ZMYM2: variants seen among roughly 807,000 people sequenced by gnomAD.
ZMYM2 encodes zinc finger MYM-type containing 2.
ZMYM2 carries 56 observed loss-of-function variants against 162.8 expected under a neutral mutation model. That is an observed-to-expected ratio of 0.34 (90% CI 0.28 to 0.43). ZMYM2 has a LOEUF of 0.43. Ranked by LOEUF, ZMYM2 falls within the 20% of genes least tolerant of loss-of-function variation. The probability of loss-of-function intolerance (pLI) is 1.00; values close to 1 mark genes in which losing one functional copy is unlikely to be tolerated. For synonymous variants in ZMYM2, 510 were observed against 541.6 expected (o/e 0.94, Z 0.81); for missense variants, 1,275 against 1,621.8 (o/e 0.79, Z 3.67).
the ZMYM2 span, among the ~76,000 whole-genome samples, chr13:19,901,754 C>G: frequency 6.6e-6 from 1 of 152,100 alleles, no homozygotes; most frequent in African/African-American, 2.4e-5. Context: ...GGATTACAGG[C>G]ATGAGCTACC....
At chr13:19,869,108 TA>T in the ZMYM2 span, among the ~76,000 whole-genome samples, 1 of 152,318 alleles carries the variant, frequency 6.6e-6, no homozygotes, top group African/African-American at 2.4e-5. Flanking sequence ...TAAAAATACA[TA>T]CAAATACCAC....
At chr13:19,910,954 C>T in the ZMYM2 span, among the ~76,000 whole-genome samples, 133 of 151,524 alleles carry the variant, frequency 8.8e-4, 1 homozygote, top group African/African-American at 3.2e-3. Flanking sequence ...TTGACTTGGT[C>T]TGTAGACGCA....
chr13:19,937,380 C>T, the ZMYM2 span, among the ~76,000 whole-genome samples: 2 of 151,004 alleles, frequency 1.3e-5, no homozygotes, highest in Non-Finnish European at 3.0e-5. Flanking sequence ...CCTCGTGATC[C>T]GCCCGCCTCA....
At chr13:19,999,515 C>G (rs9508995) in intron 3 of ZMYM2, among the ~76,000 whole-genome samples, 69,141 of 152,002 alleles carry the variant, frequency 0.45, 17,749 homozygotes, top group East Asian at 0.68. Flanking sequence ...TCTAACTCTC[C>G]CTCTCCTTGG....
At chr13:19,896,760 CAAAAAAAAAA>C in the ZMYM2 span, among the ~76,000 whole-genome samples, 2 of 87,232 alleles carry the variant, frequency 2.3e-5, no homozygotes, top group South Asian at 3.5e-4. Flanking sequence ...GACTCCATCT[CAAAAAAAAAA>C]AAAAGAAAAA....
intron 9 of ZMYM2, among the ~76,000 whole-genome samples, chr13:20,028,264 C>T (rs976398033): frequency 1.3e-5 from 2 of 152,112 alleles, no homozygotes; most frequent in Admixed American, 1.3e-4. Context: ...AAGTTGGGAT[C>T]ATGGCCATTG....
At chr13:19,914,647 A>G in the ZMYM2 span, among the ~76,000 whole-genome samples, 1 of 152,332 alleles carries the variant, frequency 6.6e-6, no homozygotes, top group East Asian at 1.9e-4. Flanking sequence ...CTTCTGCCAA[A>G]ACTACCATCT....
At chr13:20,079,316 C>CAAAAAAAAAAAAAAAAAA (rs1158594782) in intron 21 of ZMYM2, among the ~76,000 whole-genome samples, 3 of 23,164 alleles carry the variant, frequency 1.3e-4, no homozygotes, top group African/African-American at 6.6e-4. Context: ...GACTCTGTCT[C>CAAAAAAAAAAAAAAAAAA]AAAAAAAAAA....
chr13:19,995,291 T>C (rs1051545080), intron 3 of ZMYM2, among the ~76,000 whole-genome samples: 5 of 152,222 alleles, frequency 3.3e-5, no homozygotes, highest in Non-Finnish European at 7.3e-5. Context: ...TGTCTACAAC[T>C]CGATAATGCC....
chr13:19,937,525 G>T, the ZMYM2 span, among the ~76,000 whole-genome samples: 1 of 146,294 alleles, frequency 6.8e-6, no homozygotes, highest in African/African-American at 2.5e-5. Flanking sequence ...GTGCAGTGGC[G>T]TGATCTCAGC....
At chr13:20,006,231 T>TAA (rs1950732805) in intron 5 of ZMYM2, 143 bp from the exon 6 acceptor site, 10 of 741,868 alleles carry the variant, frequency 1.3e-5, no homozygotes, top group Middle Eastern at 4.1e-4. Context: ...GACCCTGTCT[T>TAA]TAAAAAAAAA....
At chr13:19,883,750 GTA>G in the ZMYM2 span, among the ~76,000 whole-genome samples, 8 of 151,220 alleles carry the variant, frequency 5.3e-5, no homozygotes, top group Admixed American at 6.6e-5. Context: ...TATTCTCATG[GTA>G]TATATATATA....
At chr13:19,984,156 T>C (rs746425544) in intron 2 of ZMYM2, among the ~76,000 whole-genome samples, 1 of 152,180 alleles carries the variant, frequency 6.6e-6, no homozygotes. Flanking sequence ...GTGATTTTGT[T>C]TTTTGAAGGT....
intron 2 of ZMYM2, chr13:19,970,144 T>C (rs1429583702): frequency 1.3e-6 from 1 of 761,712 alleles, no homozygotes; most frequent in Non-Finnish European, 1.6e-6. Flanking sequence ...AAAACAGTCA[T>C]TACACTAGAT....
At chr13:19,940,740 C>T in the ZMYM2 span, among the ~76,000 whole-genome samples, 366 of 152,210 alleles carry the variant, frequency 2.4e-3, no homozygotes, top group African/African-American at 8.5e-3. Flanking sequence ...CAGTGCACTA[C>T]GGGATGAAAA....
chr13:20,001,890 A>G lies in ZMYM2; in HGVS notation c.848-960A>G, dbSNP rs543791708. On this transcript the variant is annotated intron_variant, in intron 3 of 24. Transcript: ENST00000610343. ...ATTAAGATGTAGATTTTAAAAAGATATAATACTATTGTACACTTAATAGAC... is the reference window on the plus strand; with the variant it reads ...ATTAAGATGTAGATTTTAAAAAGATGTAATACTATTGTACACTTAATAGAC... Among the ~76,000 whole-genome samples the G allele has an allele frequency of 3.9e-5, 6 of 152,388 alleles. No individual in the cohort carries two copies. In the South Asian group the frequency reaches 1.0e-3, roughly 26 times the overall value.
At chr13:19,959,496 A>AG (rs1015061755) in intron 1 of ZMYM2, among the ~76,000 whole-genome samples, 58 of 151,130 alleles carry the variant, frequency 3.8e-4, no homozygotes, top group East Asian at 2.9e-3. Flanking sequence ...CGCCGACTGC[A>AG]GGGGGGGGCA....
rs71070277 is a variant in ZMYM2, at chr13:19,966,457, C to CTT, written c.-11+6443_-11+6444dup. ...CCTGAATTCTTATATGTCTATAATT[C>CTT]TTTTTTTTTTTTTGGATACAGAGTT... On this transcript the variant is annotated intron_variant, in intron 2 of 24. Transcript: ENST00000610343. Among the ~76,000 whole-genome samples, 734 of 141,378 alleles carry CTT rather than the reference C, an allele frequency of 5.2e-3. 2 individuals carry two copies. The highest frequency in any genetic ancestry group is 9.1e-3 in the Non-Finnish European group (590 of 65,184). The allele number at this position is 141,378 out of a possible 152,430, so 92.7% of individuals were successfully genotyped here.
At chr13:19,915,798 C>T in the ZMYM2 span, among the ~76,000 whole-genome samples, 2 of 151,992 alleles carry the variant, frequency 1.3e-5, no homozygotes, top group East Asian at 1.9e-4. Context: ...GCCACTGCAC[C>T]TGGTCTGCTC....
Sources: allele counts gnomAD v4.1 joint callset (sites outside exome capture counted in the v4.1 genomes callset), GRCh38; gene constraint gnomAD v4.1.1; transcripts MANE v1.5; gene names NCBI Gene and HGNC (gene_info 2026-07-23, HGNC 2026-07-21).